DNAH3: variants seen among roughly 807,000 people sequenced by gnomAD.
The protein encoded by DNAH3 is axonemal beta dynein heavy chain 3.
In DNAH3, 332 loss-of-function variants were observed where a neutral mutation model predicts 432.5. The ratio of observed to expected loss-of-function variants is 0.77; its 90% confidence interval spans 0.70 to 0.84. The LOEUF (loss-of-function observed/expected upper bound fraction) is 0.84, where lower values mean the gene tolerates loss of function less well. Ranked by LOEUF, DNAH3 falls within the 40% of genes least tolerant of loss-of-function variation. The probability of loss-of-function intolerance (pLI) is 0.00; values close to 1 mark genes in which losing one functional copy is unlikely to be tolerated. For synonymous variants in DNAH3, 1,956 were observed against 1,900.2 expected (o/e 1.03, Z -0.76); for missense variants, 4,861 against 5,114.0 (o/e 0.95, Z 1.51).
At chr16:20,942,708 G>A (rs981337077) in intron 58 of DNAH3, among the ~76,000 whole-genome samples, 30 of 152,266 alleles carry the variant, frequency 2.0e-4, no homozygotes, top group Non-Finnish European at 3.7e-4. Flanking sequence ...TGAAAGCCTG[G>A]AAGCCGGTCA....
intron 31 of DNAH3, among the ~76,000 whole-genome samples, chr16:21,047,143 A>G (rs1218652502): frequency 5.3e-4 from 79 of 149,658 alleles, no homozygotes; most frequent in South Asian, 1.7e-3. Context: ...TGAATCTGAC[A>G]ATTATGTGTC....
At chr16:21,003,171 C>A (rs370705476) in exon 42 of DNAH3, 1 of 1,610,934 alleles carries the variant, frequency 6.2e-7, no homozygotes. Flanking sequence ...CCAATGTCCA[C>A]TAGCTTGTTT....
At chr16:21,003,666 T>C (rs1257817446) in intron 41 of DNAH3, among the ~76,000 whole-genome samples, 4 of 152,058 alleles carry the variant, frequency 2.6e-5, no homozygotes, top group African/African-American at 9.7e-5. Context: ...TCCCAGCTAC[T>C]TGGGAGGCTG....
intron 23 of DNAH3, among the ~76,000 whole-genome samples, chr16:21,068,261 C>T (rs1044382013): frequency 1.8e-4 from 27 of 146,192 alleles, no homozygotes; most frequent in African/African-American, 6.1e-4. Flanking sequence ...TTCCTTGACA[C>T]GCTGAGACAA....
At chr16:20,966,507 G>C (rs777864835) in intron 52 of DNAH3, among the ~76,000 whole-genome samples, 13 of 152,130 alleles carry the variant, frequency 8.5e-5, no homozygotes, top group Non-Finnish European at 1.2e-4. Flanking sequence ...TTGCTTGCTA[G>C]AAAGTCCATT....
intron 39 of DNAH3, among the ~76,000 whole-genome samples, chr16:21,022,610 A>C (rs1162369999): frequency 6.6e-6 from 1 of 152,132 alleles, no homozygotes; most frequent in Non-Finnish European, 1.5e-5. Flanking sequence ...CTTTGGGGTT[A>C]TCATGATTCT....
chr16:20,941,670 C>A, intron 58 of DNAH3, 127 bp from the exon 59 acceptor site: 1 of 1,181,136 alleles, frequency 8.5e-7, no homozygotes, highest in Non-Finnish European at 1.2e-6. Flanking sequence ...GAGAACTCTC[C>A]AACAGAAGCC....
chr16:20,974,801 G>C (rs2085506777), intron 51 of DNAH3, among the ~76,000 whole-genome samples: 1 of 150,648 alleles, frequency 6.6e-6, no homozygotes, highest in South Asian at 2.3e-4. Flanking sequence ...ATGTGATGCT[G>C]GGAGAGTCGC....
chr16:20,946,219 C>T (rs1454452997), intron 57 of DNAH3, among the ~76,000 whole-genome samples: 1 of 152,198 alleles, frequency 6.6e-6, no homozygotes, highest in African/African-American at 2.4e-5. Context: ...GAGGTTTCAT[C>T]TGCATGATAA....
chr16:20,933,172 C>A, exon 62 of DNAH3: 1 of 1,613,254 alleles, frequency 6.2e-7, no homozygotes, highest in South Asian at 1.1e-5. Context: ...CCAGCTGGCA[C>A]AGTGAGGCCA....
intron 1 of DNAH3, among the ~76,000 whole-genome samples, chr16:21,152,814 G>A (rs952940875): frequency 8.5e-5 from 13 of 152,246 alleles, no homozygotes; most frequent in African/African-American, 1.7e-4. Context: ...ATTTCTCACC[G>A]GGCCTTAGCT....
rs751531917 is a variant in DNAH3 at position 21,086,920 on chromosome 16, T to C, written c.2806A>G (p.Lys936Glu). 8 of 1,614,056 alleles carry C rather than the reference T, an allele frequency of 5.0e-6. No homozygotes were observed. The African/African-American group carries it at 8.0e-5, about 16-fold the overall frequency. ...AGGATGGGAATGTACTGCTTGAACT[T>C]ATCGATCTTGATCTTCACATTCTCT... Residue 936 changes from lysine to glutamate, a missense_variant, in exon 19 of 62, where the codon AAG (lysine) becomes GAG (glutamate). Transcript: ENST00000261383.
intron 18 of DNAH3, among the ~76,000 whole-genome samples, chr16:21,092,532 A>G (rs2091565175): frequency 6.6e-6 from 1 of 151,932 alleles, no homozygotes; most frequent in African/African-American, 2.4e-5. Flanking sequence ...AGAAGATAAC[A>G]TAGGAGAAAA....
chr16:20,943,085 A>C (rs2083888507), intron 58 of DNAH3, among the ~76,000 whole-genome samples: 1 of 151,014 alleles, frequency 6.6e-6, no homozygotes, highest in Non-Finnish European at 1.5e-5. Flanking sequence ...CACCACACCC[A>C]GTTAACTTTT....
intron 11 of DNAH3, chr16:21,120,517 T>G: frequency 1.7e-6 from 1 of 591,614 alleles, no homozygotes; most frequent in Non-Finnish European, 3.0e-6. Flanking sequence ...TGCAGGACTA[T>G]GTTTTTAAGT....
intron 29 of DNAH3, 106 bp from the exon 30 acceptor site, chr16:21,050,124 G>C: frequency 1.2e-6 from 1 of 800,450 alleles, no homozygotes; most frequent in Non-Finnish European, 2.0e-6. Context: ...TAGTGCAAAA[G>C]TGATTGCAGT....
chr16:21,115,745 T>C (rs923473157), intron 12 of DNAH3, among the ~76,000 whole-genome samples: 1 of 148,130 alleles, frequency 6.8e-6, no homozygotes, highest in Admixed American at 6.7e-5. Flanking sequence ...TAAAATAAAA[T>C]AAAAATAAAA....
At chr16:20,969,738 C>T (rs2152634934) in intron 52 of DNAH3, 54 bp downstream of exon 52, 2 of 1,589,544 alleles carry the variant, frequency 1.3e-6, no homozygotes, top group Non-Finnish European at 1.7e-6. Flanking sequence ...GTGCTGGCAC[C>T]CCACTGCCAG....
Position 21,042,020 on chromosome 16 carries a change from C to T in DNAH3, c.4638+7G>A, listed in dbSNP as rs369019333. 69 of 1,613,826 alleles carry T rather than the reference C, an allele frequency of 4.3e-5. No homozygotes were observed. The African/African-American group carries it at 8.7e-4, about 20-fold the overall frequency. ...CACACCCCACATGTATATCTGCTGG[C>T]ATTTACCTTGAGATTGTCGGGCAGT... On this transcript the variant is annotated splice_region_variant and intron_variant, in intron 32 of 61. Coordinates refer to ENST00000261383, the Ensembl canonical transcript of DNAH3.
Sources: allele counts gnomAD v4.1 joint callset (sites outside exome capture counted in the v4.1 genomes callset), GRCh38; gene constraint gnomAD v4.1.1; transcripts MANE v1.5; gene names NCBI Gene and HGNC (gene_info 2026-07-23, HGNC 2026-07-21).